Variants in SYT10 observed in about 807,000 individuals in gnomAD.
SYT10 encodes synaptotagmin-10.
SYT10 carries 31 observed loss-of-function variants against 51.1 expected under a neutral mutation model. The ratio of observed to expected loss-of-function variants is 0.61; its 90% CI spans 0.46 to 0.82. The LOEUF is 0.82. Among genes scored for constraint, SYT10 ranks in the 40% least tolerant of loss-of-function variants. SYT10 has a pLI of 0.00. For missense variants in SYT10, 603 were observed against 634.0 expected (o/e 0.95, Z 0.53); for synonymous variants, 233 against 225.9 (o/e 1.03, Z -0.28).
chr12:33,398,528 A>G (rs1866276923), intron 3 of SYT10, among the ~76,000 whole-genome samples: 1 of 152,098 alleles, frequency 6.6e-6, no homozygotes. Context: ...AAACAAACAA[A>G]CAAAAAGCAA....
At chr12:33,407,981 C>G (rs1369808212) in intron 2 of SYT10, 1 of 152,122 alleles carries the variant, frequency 6.6e-6, no homozygotes, top group Non-Finnish European at 1.5e-5. Flanking sequence ...AAAAACAATT[C>G]TAAAGAAACA....
In SYT10 at chr12:33,406,950, A is replaced by G; in HGVS notation, c.916T>C (p.Tyr306His). 6.2e-7 allele frequency: 1 copy of G among 1,614,118 alleles called. No homozygotes were observed. Among genetic ancestry groups the G allele is most frequent in the East Asian group, 2.2e-5 (1 of 44,848 alleles). The change falls in exon 3 of 7, where the codon TAT becomes CAT. Residue 306 changes from tyrosine to histidine, a missense_variant. By Grantham distance (83) the Tyr-to-His change is moderately conservative. Coordinates refer to ENST00000228567, the MANE Select transcript of SYT10 (RefSeq NM_198992.4). Reference sequence around the variant, plus strand: ...AGTTTTCGGTTGCTTAGTTGATCATATGCTACAGGAAATTGAAAAGTTTCA... The same window carrying G: ...AGTTTTCGGTTGCTTAGTTGATCATGTGCTACAGGAAATTGAAAAGTTTCA... The part of the protein sequence containing the change: ...FDETFQFPVA[Y>H]DQLSNRKLHF...
At chr12:33,434,259 A>G (rs1329895772) in intron 1 of SYT10, among the ~76,000 whole-genome samples, 1 of 152,224 alleles carries the variant, frequency 6.6e-6, no homozygotes, top group Non-Finnish European at 1.5e-5. Flanking sequence ...TTGCTTTTTC[A>G]TGAGTATATT....
chr12:33,386,971 T>C (rs1225133780), intron 3 of SYT10, among the ~76,000 whole-genome samples: 2 of 152,184 alleles, frequency 1.3e-5, no homozygotes, highest in Non-Finnish European at 2.9e-5. Flanking sequence ...CAAATGAAAA[T>C]GAATGTGGAC....
intron 3 of SYT10, among the ~76,000 whole-genome samples, chr12:33,394,103 G>C (rs1446997225): frequency 6.6e-6 from 1 of 151,790 alleles, no homozygotes; most frequent in African/African-American, 2.4e-5. Flanking sequence ...GTGTGTTTGG[G>C]CACAATTTTC....
chr12:33,401,642 C>T (rs1386714828), intron 3 of SYT10, among the ~76,000 whole-genome samples: 1 of 152,004 alleles, frequency 6.6e-6, no homozygotes, highest in Non-Finnish European at 1.5e-5. Context: ...TATATGGCTG[C>T]CATACCCTGA....
chr12:33,430,347 C>T (rs932279175), intron 1 of SYT10, among the ~76,000 whole-genome samples: 5 of 152,096 alleles, frequency 3.3e-5, no homozygotes, highest in Non-Finnish European at 5.9e-5. Context: ...TTCTAAAATG[C>T]GAATTCGTCA....
At chr12:33,401,894 G>C (rs532380553) in intron 3 of SYT10, among the ~76,000 whole-genome samples, 18 of 152,300 alleles carry the variant, frequency 1.2e-4, no homozygotes, top group African/African-American at 4.1e-4. Flanking sequence ...GGATGCAAGA[G>C]ATATACAAGA....
intron 3 of SYT10, among the ~76,000 whole-genome samples, chr12:33,394,979 T>G (rs1013456949): frequency 2.0e-5 from 3 of 152,082 alleles, no homozygotes; most frequent in African/African-American, 7.2e-5. Flanking sequence ...TCCCAGGTAC[T>G]CGGGAGGCTG....
chr12:33,379,284 A>G (rs1866092506), intron 6 of SYT10, among the ~76,000 whole-genome samples: 2 of 152,130 alleles, frequency 1.3e-5, no homozygotes, highest in South Asian at 2.1e-4. Context: ...CAGCAGAGCC[A>G]GGCCTTGAAC....
At chr12:33,396,606 T>A (rs935285961) in intron 3 of SYT10, among the ~76,000 whole-genome samples, 4 of 152,122 alleles carry the variant, frequency 2.6e-5, no homozygotes, top group Non-Finnish European at 5.9e-5. Context: ...CTACTCTTAA[T>A]AAATGACCTA....
In SYT10 at chr12:33,388,920, G is replaced by C. The variant is rs549834647; in HGVS notation, c.1078-3629C>G. 6.6e-5 allele frequency among the ~76,000 whole-genome samples: 10 copies of C among 152,294 alleles called. No individual in the cohort carries two copies. The South Asian group carries it at 2.1e-3, about 32-fold the overall frequency. ...TGCACATCCTGTTACAGGACTAATA[G>C]TAAAATCAAGCTGTAGCAATGGAGT... On this transcript the variant is annotated intron_variant, in intron 3 of 6. Transcript: ENST00000228567.
intron 1 of SYT10, among the ~76,000 whole-genome samples, chr12:33,431,639 T>C: frequency 6.6e-6 from 1 of 152,206 alleles, no homozygotes; most frequent in East Asian, 1.9e-4. Context: ...ATTGACGGCT[T>C]GTTACAATAG....
intron 2 of SYT10, among the ~76,000 whole-genome samples, chr12:33,415,181 T>A (rs942192610): frequency 2.0e-5 from 3 of 152,260 alleles, no homozygotes; most frequent in Non-Finnish European, 4.4e-5. Flanking sequence ...CTTAACTTGT[T>A]TGAACTTTAT....
At chr12:33,410,520 G>A (rs1445779224) in intron 2 of SYT10, among the ~76,000 whole-genome samples, 1 of 108,936 alleles carries the variant, frequency 9.2e-6, no homozygotes, top group Non-Finnish European at 1.8e-5. Context: ...TCAGACATTT[G>A]TTTAAAGGAC....
intron 3 of SYT10, among the ~76,000 whole-genome samples, chr12:33,393,861 G>A (rs1866231247): frequency 1.3e-5 from 2 of 152,132 alleles, no homozygotes; most frequent in Non-Finnish European, 2.9e-5. Flanking sequence ...TATAGTACGT[G>A]CCTTCATTCA....
chr12:33,379,869 T>A lies in SYT10; in HGVS notation c.1463A>T (p.His488Leu). 1 of 1,613,998 alleles carries A rather than the reference T, an allele frequency of 6.2e-7. No individual in the cohort carries two copies. Among genetic ancestry groups the A allele is most frequent in the Non-Finnish European group, 8.5e-7 (1 of 1,179,914 alleles). ...RDHWNEMLAYHRKPITHWHPL... is the reference protein window; with the variant it reads ...RDHWNEMLAYLRKPITHWHPL... ...GTGCCAGTGCGTTATTGGTTTTCGA[T>A]GATAGGCCAGCATTTCATTCCAGTG... The change falls in exon 6 of 7, where the codon CAT becomes CTT. Residue 488 changes from histidine (H) to leucine (L), a missense_variant. By Grantham distance (99) the His-to-Leu change is moderately conservative. Coordinates refer to ENST00000228567, the MANE Select transcript of SYT10 (RefSeq NM_198992.4).
In SYT10 at chr12:33,439,401, T is replaced by C; in HGVS notation, c.122A>G (p.Asp41Gly). 1 of 1,613,976 alleles carries C rather than the reference T, an allele frequency of 6.2e-7. No individual in the cohort carries two copies. The highest frequency in any genetic ancestry group is 8.5e-7 in the Non-Finnish European group (1 of 1,179,978). ...WEKCSGIFPR[D>G]RGSQGGSSTD... ...GCTGCTTCCGCCCTGGCTGCCCCTG[T>C]CCCGAGGGAAGATGCCCGAGCACTT... Residue 41 changes from aspartate (D) to glycine (G), a missense_variant, in exon 1 of 7, where the codon GAC becomes GGC. Transcript: ENST00000228567.
At chr12:33,396,497 A>G (rs1471522515) in intron 3 of SYT10, among the ~76,000 whole-genome samples, 1 of 152,200 alleles carries the variant, frequency 6.6e-6, no homozygotes, top group Non-Finnish European at 1.5e-5. Context: ...GTGGCATTTT[A>G]TAAGTATTTA....
Sources: gnomAD v4.1 joint callset for allele counts (sites outside exome capture counted in the v4.1 genomes callset) on GRCh38, gnomAD v4.1.1 for gene constraint, MANE v1.5 for transcripts, NCBI Gene and HGNC (gene_info 2026-07-23, HGNC 2026-07-21) for gene names.